Variants in KMT2E observed in about 807,000 individuals in gnomAD.
KMT2E encodes histone reader KMT2E.
A neutral mutation model predicts 184.6 loss-of-function variants in KMT2E; 30 were observed. That is an observed-to-expected ratio of 0.16 (90% CI 0.12 to 0.22). The LOEUF (loss-of-function observed/expected upper bound fraction) is 0.22, where lower values mean the gene tolerates loss of function less well. Among genes scored for constraint, KMT2E ranks in the 10% least tolerant of loss-of-function variants. KMT2E has a pLI of 1.00. For synonymous variants in KMT2E, 815 were observed against 776.5 expected, an observed-to-expected ratio of 1.05 and a Z score of -0.82; for missense variants, 2,023 against 2,237.4, an observed-to-expected ratio of 0.90 and a Z score of 1.93.
At chr7:105,053,067 A>G (rs1184603264) in intron 3 of KMT2E, among the ~76,000 whole-genome samples, 1 of 152,230 alleles carries the variant, frequency 6.6e-6, no homozygotes, top group African/African-American at 2.4e-5. Context: ...GTATAATTGA[A>G]TGAAAAGTCC....
At chr7:105,034,282 T>C (rs1204875203) in intron 1 of KMT2E, among the ~76,000 whole-genome samples, 1 of 152,126 alleles carries the variant, frequency 6.6e-6, no homozygotes, top group Non-Finnish European at 1.5e-5. Flanking sequence ...GTTGCCCAGG[T>C]TGGAGAGTAG....
At chr7:105,100,199 T>C (rs932696579) in intron 15 of KMT2E, among the ~76,000 whole-genome samples, 1 of 152,208 alleles carries the variant, frequency 6.6e-6, no homozygotes, top group African/African-American at 2.4e-5. Flanking sequence ...CTGTAACAAA[T>C]TAGAAACTTA....
chr7:105,091,254 T>G lies in KMT2E; in HGVS notation c.1662T>G (p.Pro554=). The part of the protein sequence containing the change: ...DFIDDIEEKT[P]ISNEVEMESE... ...TTGATGATATAGAAGAAAAAACTCC[T>G]ATTAGTAATGAAGTAGAAATGGAAT... Residue 554 remains proline, a synonymous_variant, in exon 15 of 27, where the codon CCT becomes CCG. Transcript: ENST00000311117. 8 of 1,601,450 alleles carry G rather than the reference T, an allele frequency of 5.0e-6. No individual in the cohort carries two copies. Among genetic ancestry groups the G allele is most frequent in the Non-Finnish European group, 6.8e-6 (8 of 1,169,026 alleles).
intron 5 of KMT2E, among the ~76,000 whole-genome samples, chr7:105,064,957 G>A (rs1208223982): frequency 6.6e-6 from 1 of 152,010 alleles, no homozygotes; most frequent in African/African-American, 2.4e-5. Context: ...AACGGCGATG[G>A]TCTATATATA....
At position 105,107,232 on chromosome 7, in the gene KMT2E, T is replaced by TA; in HGVS notation, c.2904+12dup. On this transcript the variant is annotated intron_variant, in intron 21 of 26. Coordinates refer to ENST00000311117, the MANE Select transcript of KMT2E (RefSeq NM_182931.3). ...CACTTATAGTCAAGAGGTAAGAAGT[T>TA]AACTTAAAAAGGGTGAATTGGTAGT... is the stretch of plus-strand genomic sequence containing the variant. 1.3e-6 allele frequency: 2 copies of TA among 1,550,094 alleles called. No individual in the cohort carries two copies. The highest frequency in any genetic ancestry group is 1.7e-6 in the Non-Finnish European group (2 of 1,144,156).
Position 105,107,770 on chromosome 7 carries a change from A to G in KMT2E, c.3313A>G (p.Lys1105Glu), listed in dbSNP as rs1264147551. The G allele has an allele frequency of 1.2e-6, 2 of 1,614,168 alleles. No individual in the cohort carries two copies. Among genetic ancestry groups the G allele is most frequent in the Non-Finnish European group, 1.7e-6 (2 of 1,180,028 alleles). ...VGGGFRISES[K>E]CLMQDDTRGM... ...AGGAGGCTTCCGAATAAGTGAGTCA[A>G]AGTGCCTGATGCAGGATGATACTAG... Residue 1105 changes from lysine (K) to glutamate (E), a missense_variant, in exon 22 of 27, where the codon AAG (lysine) becomes GAG (glutamate). Transcript: ENST00000311117.
At chr7:105,018,732 G>A (rs1794819620) in intron 1 of KMT2E, among the ~76,000 whole-genome samples, 2 of 152,080 alleles carry the variant, frequency 1.3e-5, no homozygotes, top group Admixed American at 6.5e-5. Context: ...AATTGAAGTG[G>A]CTCGTATTTA....
chr7:105,055,380 AT>A (rs1796537690), intron 3 of KMT2E, among the ~76,000 whole-genome samples: 1 of 151,820 alleles, frequency 6.6e-6, no homozygotes, highest in Non-Finnish European at 1.5e-5. Flanking sequence ...AGGATAAGAG[AT>A]CATATTCATT....
intron 1 of KMT2E, among the ~76,000 whole-genome samples, chr7:105,036,174 G>T (rs2011258): frequency 0.2 from 28,557 of 143,524 alleles, 3,717 homozygotes; most frequent in East Asian, 0.54. Flanking sequence ...TTGTTCTTTT[G>T]GTTTTTTTTT....
At chr7:105,032,884 A>G (rs569554972) in intron 1 of KMT2E, among the ~76,000 whole-genome samples, 37 of 152,348 alleles carry the variant, frequency 2.4e-4, no homozygotes, top group Non-Finnish European at 4.4e-4. Flanking sequence ...ATTCTACTCA[A>G]TATGTCCTTG....
chr7:105,064,302 G>A lies in KMT2E; in HGVS notation c.416+722G>A, dbSNP rs189735886. 3.9e-3 allele frequency among the ~76,000 whole-genome samples: 586 copies of A among 150,316 alleles called. 7 individuals carry two copies. The highest frequency in any genetic ancestry group is 0.015 in the Admixed American group (218 of 14,804). On this transcript the variant is annotated intron_variant, in intron 5 of 26. Transcript: ENST00000311117. ...GTGGGAAGCGCAGAGTACTTACGCA[G>A]TGCATTGTAGAGAGCAAGAAAGTTG...
intron 5 of KMT2E, among the ~76,000 whole-genome samples, chr7:105,066,210 A>G (rs562807263): frequency 1.1e-3 from 165 of 152,232 alleles, no homozygotes; most frequent in Non-Finnish European, 1.4e-3. Context: ...TCCAAGTCCT[A>G]AGTAATCTGA....
At chr7:105,075,154 C>T (rs535509735) in intron 8 of KMT2E, among the ~76,000 whole-genome samples, 3 of 150,526 alleles carry the variant, frequency 2.0e-5, no homozygotes, top group African/African-American at 7.3e-5. Context: ...CTTAGCTTTT[C>T]TTCCCCATGT....
At chr7:105,098,900 A>T (rs2129569335) in intron 15 of KMT2E, among the ~76,000 whole-genome samples, 1 of 152,312 alleles carries the variant, frequency 6.6e-6, no homozygotes, top group Middle Eastern at 3.4e-3. Flanking sequence ...GGGGCTATGG[A>T]AAGTCTGCAG....
chr7:105,046,278 A>G (rs1480739064), intron 3 of KMT2E, among the ~76,000 whole-genome samples: 1 of 152,210 alleles, frequency 6.6e-6, no homozygotes. Context: ...CTAAAAACAC[A>G]TAAGTCATTT....
Position 105,109,143 on chromosome 7 carries a change from T to G in KMT2E, c.3670T>G (p.Tyr1224Asp). The stretch of plus-strand genomic sequence containing the variant: ...ACCTTTACCAACACCAGCTACAGTT[T>G]ATAATGCCACTTCTGAAGAAACTAG... ...SLPLPTPATV[Y>D]NATSEETSNN... The change falls in exon 23 of 27, where the codon TAT becomes GAT. Residue 1224 changes from tyrosine to aspartate, a missense_variant. Tyr to Asp is a radical substitution (Grantham distance 160). This residue lies in a region of KMT2E where 1,108 missense variants were observed against 1,050.9 expected (regional missense o/e 1.05). Coordinates refer to ENST00000311117, the MANE Select transcript of KMT2E (RefSeq NM_182931.3). 1 of 1,614,164 alleles carries G rather than the reference T, an allele frequency of 6.2e-7. No individual in the cohort carries two copies. Among genetic ancestry groups the G allele is most frequent in the Non-Finnish European group, 8.5e-7 (1 of 1,180,012 alleles).
In KMT2E at chr7:105,107,833, G is replaced by A. The variant is rs146130548; in HGVS notation, c.3376G>A (p.Glu1126Lys). 86 of 1,614,106 alleles carry A rather than the reference G, an allele frequency of 5.3e-5. No individual in the cohort carries two copies. Among genetic ancestry groups the A allele is most frequent in the Middle Eastern group, 4.9e-4 (3 of 6,062 alleles). The change falls in exon 22 of 27, where the codon GAA becomes AAA. Residue 1126 changes from glutamate (E) to lysine (K), a missense_variant. Transcript: ENST00000311117. ...GGAAACAACTGTGTTTTGTACTTCCGAAGATGGGCTTGTATCTGGTTTCGG... is the reference window on the plus strand; with the variant it reads ...GGAAACAACTGTGTTTTGTACTTCCAAAGATGGGCTTGTATCTGGTTTCGG... ...FMETTVFCTSEDGLVSGFGRT... is the reference protein window; with the variant it reads ...FMETTVFCTSKDGLVSGFGRT...
intron 17 of KMT2E, chr7:105,104,402 C>T (rs752311733): frequency 1.3e-5 from 2 of 152,126 alleles, no homozygotes; most frequent in African/African-American, 2.4e-5. Flanking sequence ...ATATATGTAT[C>T]GTGAGCCAGG....
chr7:105,058,700 A>C (rs1224221443), intron 3 of KMT2E, among the ~76,000 whole-genome samples: 12 of 152,256 alleles, frequency 7.9e-5, no homozygotes, highest in Non-Finnish European at 1.0e-4. Context: ...GGTGGTTTTG[A>C]CCATACCTTA....
Sources: allele counts gnomAD v4.1 joint callset (sites outside exome capture counted in the v4.1 genomes callset), GRCh38; gene constraint gnomAD v4.1.1; regional missense constraint gnomAD v4.1.1; transcripts MANE v1.5; gene names NCBI Gene and HGNC (gene_info 2026-07-23, HGNC 2026-07-21).